The following NECTIN3 variants were observed in gnomAD, a reference collection of about 807,000 sequenced individuals.
NECTIN3 encodes nectin-3.
NECTIN3 carries 8 observed loss-of-function variants against 49.4 expected under a neutral mutation model. That is an observed-to-expected ratio of 0.16 (90% CI 0.10 to 0.29). NECTIN3 has a LOEUF of 0.29. Ranked by LOEUF, NECTIN3 falls within the 10% of genes least tolerant of loss-of-function variation. NECTIN3 has a pLI of 1.00. For missense variants in NECTIN3, 581 were observed against 654.6 expected (o/e 0.89, Z 1.23); for synonymous variants, 277 against 241.1 (o/e 1.15, Z -1.38).
intron 2 of NECTIN3, among the ~76,000 whole-genome samples, chr3:111,113,249 C>T (rs563111946): frequency 6.6e-6 from 1 of 152,142 alleles, no homozygotes. Context: ...AAGAGTTTTA[C>T]CCAAAGTGGA....
Position 111,136,487 on chromosome 3 carries a change from A to C in NECTIN3, c.*2272A>C, listed in dbSNP as rs1293718246. 1 of 983,592 alleles carries C rather than the reference A, an allele frequency of 1.0e-6. No homozygotes were observed. The highest frequency in any genetic ancestry group is 1.2e-6 in the Non-Finnish European group (1 of 828,576). 60.9% of individuals were successfully genotyped at this position (983,592 alleles called of 1,614,324 possible). On this transcript the variant is annotated 3_prime_UTR_variant, in exon 6 of 6. Coordinates refer to ENST00000485303, the MANE Select transcript of NECTIN3 (RefSeq NM_015480.3). ...AAGGTTTCTGTGTTGTAAGAATCTG[A>C]TACTAGTGCTTAAGACTTTGGGAAG...
intron 5 of NECTIN3, 133 bp from the exon 6 acceptor site, chr3:111,133,502 T>C: frequency 7.7e-7 from 1 of 1,303,870 alleles, no homozygotes; most frequent in Non-Finnish European, 1.0e-6. Context: ...TTAATCAAAT[T>C]AAGAATGAAA....
At chr3:111,086,869 C>G (rs145167920) in intron 1 of NECTIN3, among the ~76,000 whole-genome samples, 1 of 152,104 alleles carries the variant, frequency 6.6e-6, no homozygotes, top group East Asian at 1.9e-4. Context: ...CCTGTTTTAT[C>G]TATTTATTGA....
chr3:111,080,980 A>G (rs970761507), intron 1 of NECTIN3, among the ~76,000 whole-genome samples: 1 of 152,210 alleles, frequency 6.6e-6, no homozygotes, highest in Non-Finnish European at 1.5e-5. Flanking sequence ...GTGGTTTTAA[A>G]CATATTTAAA....
downstream of NECTIN3, among the ~76,000 whole-genome samples, chr3:111,137,772 T>C (rs1347258695): frequency 6.7e-6 from 1 of 148,398 alleles, no homozygotes; most frequent in Non-Finnish European, 1.5e-5. Flanking sequence ...TTTTTTCCTT[T>C]TTTTTTTTTT....
chr3:111,146,392 C>T (rs2034877289), intron 6 of NECTIN3, among the ~76,000 whole-genome samples: 1 of 149,498 alleles, frequency 6.7e-6, no homozygotes, highest in South Asian at 2.1e-4. Context: ...GGAGATCCCG[C>T]CACTGCACTC....
rs77345660 is a variant in NECTIN3 at position 111,072,344 on chromosome 3, C to A, written c.160+167C>A. 8.5e-3 allele frequency: 12,362 copies of A among 1,449,184 alleles called. 207 individuals carry two copies. Among genetic ancestry groups the A allele is most frequent in the African/African-American group, 0.068 (4,655 of 68,374 alleles). 89.8% of individuals were successfully genotyped at this position (1,449,184 alleles called of 1,614,324 possible). A position where few individuals can be genotyped will look rare whatever the true frequency, so the allele number is the denominator to read the frequency against. ...TTTTCGCCGCGCCCGGGGCGAGGCC[C>A]TGGAAGGGCCAGGCCAGCGAATGCT... is the stretch of plus-strand genomic sequence containing the variant. On this transcript the variant is annotated intron_variant, in intron 1 of 5. Coordinates refer to ENST00000485303, the MANE Select transcript of NECTIN3 (RefSeq NM_015480.3).
In NECTIN3 at chr3:111,117,965, G is replaced by A. The variant is rs188834368; in HGVS notation, c.503-691G>A. ...TAAACTTAACTATTAGTGATGGTAC[G>A]TTAGGATGAGCTTAAAGTATATTTT... On this transcript the variant is annotated intron_variant, in intron 2 of 5. Coordinates refer to ENST00000485303, the MANE Select transcript of NECTIN3 (RefSeq NM_015480.3). Among the ~76,000 whole-genome samples the A allele has an allele frequency of 2.3e-4, 35 of 152,022 alleles. 1 individual carries two copies. The East Asian group carries it at 6.4e-3, about 28-fold the overall frequency.
Position 111,118,712 on chromosome 3 carries a change from G to A in NECTIN3, c.559G>A (p.Glu187Lys), listed in dbSNP as rs1365308988. 1 of 1,613,676 alleles carries A rather than the reference G, an allele frequency of 6.2e-7. No individual in the cohort carries two copies. The highest frequency in any genetic ancestry group is 8.5e-7 in the Non-Finnish European group (1 of 1,179,816). Reference protein sequence around the residue: ...GPDSLIDGGNETVAAICIAAT... With the variant: ...GPDSLIDGGNKTVAAICIAAT... ...AGATTCTTTAATTGATGGAGGAAAT[G>A]AAACAGTAGCAGCCATTTGCATCGC... Residue 187 changes from glutamate (E) to lysine (K), a missense_variant, in exon 3 of 6, where the codon GAA becomes AAA. By Grantham distance (56) the Glu-to-Lys change is moderately conservative. Around this residue, in one of 3 missense-constraint regions of NECTIN3, gnomAD observed 234 missense variants for 340.6 expected, o/e 0.69. Transcript: ENST00000485303.
chr3:111,142,350 T>C (rs2034767807), downstream of NECTIN3, among the ~76,000 whole-genome samples: 1 of 151,868 alleles, frequency 6.6e-6, no homozygotes, highest in African/African-American at 2.4e-5. Context: ...GCTACCAGCC[T>C]ATTCTAATAC....
At chr3:111,132,206 A>T (rs954016984) in intron 5 of NECTIN3, among the ~76,000 whole-genome samples, 2 of 151,864 alleles carry the variant, frequency 1.3e-5, no homozygotes, top group African/African-American at 4.8e-5. Context: ...ACTTAAATAT[A>T]CTCTGATAAC....
chr3:111,088,248 T>C (rs930611999), intron 1 of NECTIN3, among the ~76,000 whole-genome samples: 2 of 152,180 alleles, frequency 1.3e-5, no homozygotes, highest in African/African-American at 4.8e-5. Flanking sequence ...CCTCTCTAGC[T>C]TTGTTGCTTC....
chr3:111,072,007 G>A lies in NECTIN3; in HGVS notation c.-11G>A, dbSNP rs546419037. 28 of 1,486,816 alleles carry A rather than the reference G, an allele frequency of 1.9e-5. No homozygotes were observed. The South Asian group carries it at 2.3e-4, about 12-fold the overall frequency. The allele number at this position is 1,486,816 out of a possible 1,614,324, so 92.1% of individuals were successfully genotyped here. ...GGCGGGCGGGCGAGCGGGCCGGGGG[G>A]AGGGTGGGGGATGGCGCGGACCCTG... On this transcript the variant is annotated 5_prime_UTR_variant, in exon 1 of 6. Coordinates refer to ENST00000485303, the MANE Select transcript of NECTIN3 (RefSeq NM_015480.3).
chr3:111,144,008 C>T (rs953015018), intron 5 of NECTIN3, among the ~76,000 whole-genome samples: 5 of 151,848 alleles, frequency 3.3e-5, no homozygotes, highest in Admixed American at 1.3e-4. Context: ...TTTAATATAG[C>T]GAAATTGTCA....
At chr3:111,081,104 C>T (rs1263670973) in intron 1 of NECTIN3, among the ~76,000 whole-genome samples, 1 of 152,026 alleles carries the variant, frequency 6.6e-6, no homozygotes, top group Non-Finnish European at 1.5e-5. Context: ...AGTGAGACCT[C>T]GTCTCTGCCA....
chr3:111,144,902 T>C (rs1368828659), exon 6 of NECTIN3: 2 of 1,533,090 alleles, frequency 1.3e-6, no homozygotes, highest in East Asian at 4.9e-5. Flanking sequence ...TTTACAGATG[T>C]TCCATTTAAG....
Position 111,137,452 on chromosome 3 carries a change from TTTG to T in NECTIN3, c.*3240_*3242del, listed in dbSNP as rs1261625876. 1 of 956,612 alleles carries T rather than the reference TTTG, an allele frequency of 1.0e-6. No homozygotes were observed. The allele number at this position is 956,612 out of a possible 1,614,324, so 59.3% of individuals were successfully genotyped here. On this transcript the variant is annotated 3_prime_UTR_variant, in exon 6 of 6. Coordinates refer to ENST00000485303, the MANE Select transcript of NECTIN3 (RefSeq NM_015480.3). The stretch of plus-strand genomic sequence containing the variant: ...TTGTGTTTGGTGTTTTTTGTTTTGT[TTTG>T]TTTTGTTTTGTTTTTTCTTTTTTAA...
rs147308021 is a variant in NECTIN3, at chr3:111,160,656, C to A, written c.1221+13172C>A. Reference sequence around the variant, plus strand: ...AACCAAAGTGATGATCATATATTTTCCAATTTTAAAAATTATTTCTGATGG... The same window carrying A: ...AACCAAAGTGATGATCATATATTTTACAATTTTAAAAATTATTTCTGATGG... On this transcript the variant is annotated intron_variant, in intron 7 of 8. Transcript: ENST00000493615. 4.0e-5 allele frequency among the ~76,000 whole-genome samples: 6 copies of A among 151,730 alleles called. No individual in the cohort carries two copies. The East Asian group carries it at 1.2e-3, about 29-fold the overall frequency.
intron 3 of NECTIN3, among the ~76,000 whole-genome samples, chr3:111,121,442 G>A (rs1283650189): frequency 6.6e-6 from 1 of 152,128 alleles, no homozygotes; most frequent in African/African-American, 2.4e-5. Context: ...GGTAGATATG[G>A]ATAATTGCTC....
Sources: allele counts gnomAD v4.1 joint callset (sites outside exome capture counted in the v4.1 genomes callset), GRCh38; gene constraint gnomAD v4.1.1; regional missense constraint gnomAD v4.1.1; transcripts MANE v1.5; gene names NCBI Gene and HGNC (gene_info 2026-07-23, HGNC 2026-07-21).